Variants in ZNF334 observed in about 807,000 individuals in gnomAD.
ZNF334 encodes the protein zinc finger protein 334.
Under a neutral mutation model 12.4 loss-of-function variants are expected in ZNF334, and 14 were observed. That is an observed-to-expected ratio of 1.13 (90% CI 0.74 to 1.76). The LOEUF is 1.76. ZNF334 is among the 40% of genes most tolerant of loss of function. ZNF334 has a pLI of 0.00. For missense variants in ZNF334, 797 were observed against 804.5 expected, an observed-to-expected ratio of 0.99 and a Z score of 0.11; for synonymous variants, 273 against 269.6, an observed-to-expected ratio of 1.01 and a Z score of -0.12.
At chr20:46,487,632 T>C in the ZNF334 span, among the ~76,000 whole-genome samples, 1 of 152,326 alleles carries the variant, frequency 6.6e-6, no homozygotes, top group East Asian at 1.9e-4. Context: ...TATGCTCTGT[T>C]AATTCCTTAT....
At position 46,500,790 on chromosome 20, in the gene ZNF334, C is replaced by T. The variant is rs2061130543; in HGVS notation, c.*506G>A. ...ACAATGGTTAGTTCTCCTGAGTTGT[C>T]ACCTTTGCAGATAAAGGTATACAGT... On this transcript the variant is annotated 3_prime_UTR_variant, in exon 5 of 5. Transcript: ENST00000692313. The T allele has an allele frequency of 6.2e-6, 1 of 160,372 alleles. No homozygotes were observed. The highest frequency in any genetic ancestry group is 5.8e-5 in the Admixed American group (1 of 17,312). The allele number at this position is 160,372 out of a possible 1,614,324, so 9.9% of individuals were successfully genotyped here. A position where few individuals can be genotyped will look rare whatever the true frequency, so the allele number is the denominator to read the frequency against.
chr20:46,465,929 G>A, the ZNF334 span, among the ~76,000 whole-genome samples: 1 of 151,848 alleles, frequency 6.6e-6, no homozygotes, highest in African/African-American at 2.4e-5. Flanking sequence ...ACTCCAGCCT[G>A]AGCGACAGAG....
intron 2 of ZNF334, among the ~76,000 whole-genome samples, chr20:46,511,832 A>G (rs368303880): frequency 6.6e-6 from 1 of 152,206 alleles, no homozygotes; most frequent in Non-Finnish European, 1.5e-5. Flanking sequence ...AAATTTTTAG[A>G]TATAAATGAT....
chr20:46,493,649 T>C, the ZNF334 span, among the ~76,000 whole-genome samples: 1 of 151,900 alleles, frequency 6.6e-6, no homozygotes, highest in East Asian at 1.9e-4. Flanking sequence ...TTGAAATAAG[T>C]GAAAGAAAAT....
At chr20:46,509,638 G>C (rs1458399114) in intron 2 of ZNF334, 1 of 702,922 alleles carries the variant, frequency 1.4e-6, no homozygotes, top group Non-Finnish European at 2.6e-6. Flanking sequence ...TTCATTCAAG[G>C]TTCACCCACG....
chr20:46,498,908 C>A (rs539696662), downstream of ZNF334, among the ~76,000 whole-genome samples: 1 of 152,280 alleles, frequency 6.6e-6, no homozygotes, highest in East Asian at 1.9e-4. Flanking sequence ...GGCGCGGTGG[C>A]TCACGCCTGT....
At chr20:46,506,701 T>C (rs931443973) in intron 2 of ZNF334, 2 of 190,464 alleles carry the variant, frequency 1.1e-5, no homozygotes, top group Non-Finnish European at 2.1e-5. Context: ...ATGAAACTGG[T>C]TACATTCAGG....
chr20:46,486,322 G>A, the ZNF334 span, among the ~76,000 whole-genome samples: 16 of 152,314 alleles, frequency 1.1e-4, 1 homozygote, highest in East Asian at 3.1e-3. Context: ...GCTGAGGCAG[G>A]AGAATCGCTT....
chr20:46,501,165 G>T lies in ZNF334; in HGVS notation c.*131C>A. ...TTTCTCTGATGTTACATTGAGGGTT[G>T]ACTTATGGCAGAAAAATTTTCCATA... On this transcript the variant is annotated 3_prime_UTR_variant, in exon 5 of 5. Coordinates refer to ENST00000692313, the MANE Select transcript of ZNF334 (RefSeq NM_001353824.2). 1 of 1,122,554 alleles carries T rather than the reference G, an allele frequency of 8.9e-7. No individual in the cohort carries two copies. Among genetic ancestry groups the T allele is most frequent in the Non-Finnish European group, 1.3e-6 (1 of 799,682 alleles). The allele number at this position is 1,122,554 out of a possible 1,614,324, so 69.5% of individuals were successfully genotyped here. A position where few individuals can be genotyped will look rare whatever the true frequency, so the allele number is the denominator to read the frequency against.
chr20:46,478,946 GCCTCTGGT>G, the ZNF334 span, among the ~76,000 whole-genome samples: 1 of 152,086 alleles, frequency 6.6e-6, no homozygotes, highest in Admixed American at 6.6e-5. Context: ...CTCCTACAAG[GCCTCTGGT>G]CCAGATGTCC....
the ZNF334 span, chr20:46,463,884 G>A: frequency 5.7e-5 from 26 of 454,512 alleles, no homozygotes; most frequent in Non-Finnish European, 1.1e-4. Context: ...CACATGCCAC[G>A]CAAGGTGGCT....
chr20:46,506,656 G>A (rs1645872152), intron 2 of ZNF334: 1 of 262,432 alleles, frequency 3.8e-6, no homozygotes, highest in African/African-American at 2.2e-5. Flanking sequence ...CACTACATGT[G>A]AAAAAAAATT....
chr20:46,482,162 TA>T, the ZNF334 span, among the ~76,000 whole-genome samples: 1 of 152,214 alleles, frequency 6.6e-6, no homozygotes, highest in Non-Finnish European at 1.5e-5. Flanking sequence ...TGCTAACCCA[TA>T]TTGTACTTCT....
chr20:46,488,419 T>TTTTATATATATATATATATA, the ZNF334 span, among the ~76,000 whole-genome samples: 22 of 102,236 alleles, frequency 2.2e-4, no homozygotes, highest in African/African-American at 6.5e-4. Context: ...AGCTCTTATT[T>TTTTATATATATATATATATA]TATATATATA....
At chr20:46,507,152 A>C (rs1346168559) in intron 2 of ZNF334, among the ~76,000 whole-genome samples, 1 of 152,018 alleles carries the variant, frequency 6.6e-6, no homozygotes, top group Non-Finnish European at 1.5e-5. Flanking sequence ...GTAAGTAAAA[A>C]GGAAAGAAAG....
chr20:46,498,902 C>T (rs1283784611), downstream of ZNF334, among the ~76,000 whole-genome samples: 4 of 152,098 alleles, frequency 2.6e-5, no homozygotes, highest in East Asian at 1.9e-4. Flanking sequence ...GGGCCGGGCG[C>T]GGTGGCTCAC....
chr20:46,489,405 A>C, the ZNF334 span, among the ~76,000 whole-genome samples: 8 of 152,122 alleles, frequency 5.3e-5, no homozygotes, highest in African/African-American at 1.9e-4. Flanking sequence ...GTGGTGACTC[A>C]TACCTGTAAC....
chr20:46,508,487 G>A (rs1404002397), intron 2 of ZNF334, among the ~76,000 whole-genome samples: 1 of 152,232 alleles, frequency 6.6e-6, no homozygotes, highest in Non-Finnish European at 1.5e-5. Context: ...AGGCAGAAAA[G>A]GGGTAGAAAG....
At chr20:46,476,622 C>CT in the ZNF334 span, among the ~76,000 whole-genome samples, 1 of 152,094 alleles carries the variant, frequency 6.6e-6, no homozygotes, top group Non-Finnish European at 1.5e-5. Flanking sequence ...TAATGTCTTT[C>CT]TTTTTTATAT....
Sources: gnomAD v4.1 joint callset for allele counts (sites outside exome capture counted in the v4.1 genomes callset) on GRCh38, gnomAD v4.1.1 for gene constraint, MANE v1.5 for transcripts, NCBI Gene and HGNC (gene_info 2026-07-23, HGNC 2026-07-21) for gene names.